The following SOX5 variants were observed in gnomAD, a reference collection of about 807,000 sequenced individuals.
SOX5 encodes SRY-box transcription factor 5.
Under a neutral mutation model 92.0 loss-of-function variants are expected in SOX5, and 9 were observed. That is an observed-to-expected ratio of 0.10 (90% CI 0.06 to 0.17). The LOEUF (loss-of-function observed/expected upper bound fraction) is 0.17. Among genes scored for constraint, SOX5 ranks in the 10% least tolerant of loss-of-function variants. The pLI is 1.00. For missense variants in SOX5, 642 were observed against 944.5 expected, an observed-to-expected ratio of 0.68 and a Z score of 4.20; for synonymous variants, 344 against 336.3, an observed-to-expected ratio of 1.02 and a Z score of -0.25.
chr12:24,411,444 ATG>A (rs1566099664), intron 1 of SOX5, among the ~76,000 whole-genome samples: 1 of 152,132 alleles, frequency 6.6e-6, no homozygotes, highest in Non-Finnish European at 1.5e-5. Context: ...TTAGCTGTAG[ATG>A]TTTTATAGAT....
intron 3 of SOX5, among the ~76,000 whole-genome samples, chr12:24,236,819 G>T (rs768771291): frequency 3.9e-5 from 6 of 152,010 alleles, no homozygotes; most frequent in Non-Finnish European, 4.4e-5. Context: ...GAGCTTGAAG[G>T]CATGAGTGCA....
intron 9 of SOX5, among the ~76,000 whole-genome samples, chr12:23,603,467 T>TATATATATATATATATATATATATATA (rs1566226312): frequency 2.2e-5 from 2 of 92,030 alleles, no homozygotes; most frequent in Non-Finnish European, 5.8e-5. Flanking sequence ...TATATATATA[T>TATATATATATATATATATATATATATA]TTTGCTGGTA....
intron 7 of SOX5, among the ~76,000 whole-genome samples, chr12:23,655,786 C>A (rs927199931): frequency 2.6e-5 from 4 of 151,920 alleles, no homozygotes; most frequent in Non-Finnish European, 4.4e-5. Context: ...AAATGTTAAA[C>A]CTCTAGAAGT....
chr12:23,682,113 A>G (rs1402465754), intron 6 of SOX5, among the ~76,000 whole-genome samples: 1 of 151,824 alleles, frequency 6.6e-6, no homozygotes, highest in Non-Finnish European at 1.5e-5. Flanking sequence ...TTCTGCATCC[A>G]ATAATTACAG....
chr12:24,388,432 G>A (rs1242257124), intron 1 of SOX5, among the ~76,000 whole-genome samples: 2 of 152,160 alleles, frequency 1.3e-5, no homozygotes, highest in South Asian at 2.1e-4. Flanking sequence ...CTGCAGCCCT[G>A]CCTTGAAGGT....
chr12:23,696,612 C>T (rs1038252865), intron 6 of SOX5, among the ~76,000 whole-genome samples: 3 of 152,050 alleles, frequency 2.0e-5, no homozygotes, highest in African/African-American at 4.8e-5. Context: ...TTTTACTACT[C>T]TTAATTTTTA....
chr12:23,573,905 TA>T (rs1158897007), intron 10 of SOX5, among the ~76,000 whole-genome samples: 4 of 152,024 alleles, frequency 2.6e-5, no homozygotes, highest in Admixed American at 1.3e-4. Context: ...TGTTAAACAA[TA>T]AATAATAATA....
chr12:23,723,338 A>T (rs1412682087), intron 6 of SOX5, among the ~76,000 whole-genome samples: 1 of 152,076 alleles, frequency 6.6e-6, no homozygotes, highest in Non-Finnish European at 1.5e-5. Flanking sequence ...CGAAAACATA[A>T]AATCCAATTG....
intron 1 of SOX5, among the ~76,000 whole-genome samples, chr12:24,371,263 G>A (rs1295966461): frequency 6.6e-6 from 1 of 152,188 alleles, no homozygotes. Flanking sequence ...CAGCCAGCAA[G>A]GAAGCAAGGA....
At chr12:23,876,797 T>A (rs1012956797) in intron 2 of SOX5, among the ~76,000 whole-genome samples, 5 of 152,182 alleles carry the variant, frequency 3.3e-5, no homozygotes, top group Non-Finnish European at 7.3e-5. Context: ...ATATACACCA[T>A]GGAATACTAT....
intron 4 of SOX5, among the ~76,000 whole-genome samples, chr12:24,148,665 CAT>C (rs1165323044): frequency 2.3e-5 from 2 of 88,194 alleles, no homozygotes; most frequent in African/African-American, 9.4e-5. Context: ...GCCTGGAAAA[CAT>C]AGTGAGACCC....
chr12:24,039,840 G>A (rs1213968200), intron 4 of SOX5, among the ~76,000 whole-genome samples: 3 of 152,092 alleles, frequency 2.0e-5, no homozygotes, highest in Non-Finnish European at 4.4e-5. Flanking sequence ...ATTTAATCAA[G>A]AAACTTTTAT....
At chr12:24,173,111 C>G (rs965938297) in intron 4 of SOX5, among the ~76,000 whole-genome samples, 2 of 152,176 alleles carry the variant, frequency 1.3e-5, no homozygotes, top group African/African-American at 4.8e-5. Context: ...ATCACACTCC[C>G]GTGCCATCTT....
chr12:23,973,362 T>A (rs1948570132), intron 4 of SOX5, among the ~76,000 whole-genome samples: 1 of 151,928 alleles, frequency 6.6e-6, no homozygotes, highest in Non-Finnish European at 1.5e-5. Context: ...GGTTTCACCA[T>A]GCCGGTCAGG....
At chr12:24,532,082 T>TA (rs1951244293) in intron 1 of SOX5, among the ~76,000 whole-genome samples, 1 of 152,180 alleles carries the variant, frequency 6.6e-6, no homozygotes, top group Admixed American at 6.5e-5. Context: ...TACAGCTTGT[T>TA]AAAACAGGAG....
intron 1 of SOX5, among the ~76,000 whole-genome samples, chr12:24,416,198 C>T (rs1201738217): frequency 1.3e-5 from 2 of 152,210 alleles, no homozygotes; most frequent in African/African-American, 2.4e-5. Context: ...ACAGGACTTA[C>T]ACATTTTCAT....
At position 23,803,244 on chromosome 12, in the gene SOX5, G is replaced by A. The variant is rs144339574; in HGVS notation, c.481+42739C>T. The stretch of plus-strand genomic sequence containing the variant: ...ACTACTTATTTAAGCATCTCAGTAT[G>A]GCCCACTGTTACCTCAAAATCACTA... On this transcript the variant is annotated intron_variant, in intron 3 of 14. Transcript: ENST00000451604. Among the ~76,000 whole-genome samples, 55 of 152,136 alleles carry A rather than the reference G, an allele frequency of 3.6e-4. No homozygotes were observed. In the East Asian group the frequency reaches 8.9e-3, roughly 25 times the overall value.
intron 1 of SOX5, among the ~76,000 whole-genome samples, chr12:24,385,944 A>AAAAAAG (rs1958362603): frequency 7.1e-6 from 1 of 141,004 alleles, no homozygotes; most frequent in South Asian, 2.2e-4. Context: ...AAAAAAAAAA[A>AAAAAAG]AGAGAGAGAG....
intron 4 of SOX5, among the ~76,000 whole-genome samples, chr12:23,956,787 G>A (rs532580374): frequency 2.0e-5 from 3 of 152,196 alleles, no homozygotes; most frequent in African/African-American, 7.2e-5. Context: ...CTGGGTTCAA[G>A]TGATTCTCCT....
Sources: allele counts gnomAD v4.1 joint callset (sites outside exome capture counted in the v4.1 genomes callset), GRCh38; gene constraint gnomAD v4.1.1; transcripts MANE v1.5; gene names NCBI Gene and HGNC (gene_info 2026-07-23, HGNC 2026-07-21).